The following EFHB variants were observed in gnomAD, a reference collection of about 807,000 sequenced individuals.
The protein encoded by EFHB is EF-hand domain family member B, also known as EF-hand domain-containing family member B.
EFHB carries 91 observed loss-of-function variants against 87.2 expected under a neutral mutation model. The ratio of observed to expected loss-of-function variants is 1.04; its 90% CI spans 0.88 to 1.24. The LOEUF is 1.24. Among genes scored for constraint, EFHB ranks in the 50% most tolerant of loss-of-function variants. EFHB has a pLI of 0.00. For missense variants in EFHB, 1,084 were observed against 998.8 expected (o/e 1.09, Z -1.15); for synonymous variants, 325 against 333.6 (o/e 0.97, Z 0.28).
chr3:19,904,004 T>C (rs1400653632), intron 6 of EFHB, among the ~76,000 whole-genome samples: 1 of 152,182 alleles, frequency 6.6e-6, no homozygotes, highest in Non-Finnish European at 1.5e-5. Context: ...ATATATAAAG[T>C]GCTCAGAATT....
chr3:19,904,750 T>C (rs1694781941), intron 6 of EFHB, among the ~76,000 whole-genome samples: 1 of 152,222 alleles, frequency 6.6e-6, no homozygotes. Flanking sequence ...AAGACCCTTT[T>C]TCCACACAAA....
intron 1 of EFHB, among the ~76,000 whole-genome samples, chr3:19,924,622 C>G (rs1387787469): frequency 6.6e-6 from 1 of 152,164 alleles, no homozygotes; most frequent in Admixed American, 6.5e-5. Context: ...CCAGTTTGGT[C>G]TAGGGGAAGA....
At chr3:19,925,556 T>TA (rs904299357) in intron 1 of EFHB, among the ~76,000 whole-genome samples, 4 of 152,184 alleles carry the variant, frequency 2.6e-5, no homozygotes, top group African/African-American at 9.6e-5. Flanking sequence ...GCTTTCTGTC[T>TA]GTAACCCAAC....
chr3:19,905,489 A>AT lies in EFHB; in HGVS notation c.1418+130dup, dbSNP rs1327755412. On this transcript the variant is annotated intron_variant, in intron 6 of 12. Coordinates refer to ENST00000295824, the MANE Select transcript of EFHB (RefSeq NM_144715.4). The stretch of plus-strand genomic sequence containing the variant: ...TGAAATACATTACACTGTTTTTTCT[A>AT]TTTTTTTCTAGTCATCTTGTTTGAA... 6.6e-6 allele frequency: 7 copies of AT among 1,061,516 alleles called. No homozygotes were observed. The African/African-American group carries it at 1.1e-4, about 17-fold the overall frequency. The allele number at this position is 1,061,516 out of a possible 1,614,324, so 65.8% of individuals were successfully genotyped here.
At chr3:19,904,732 T>C (rs1464685385) in intron 6 of EFHB, among the ~76,000 whole-genome samples, 1 of 152,198 alleles carries the variant, frequency 6.6e-6, no homozygotes. Context: ...TCCTTAATTA[T>C]ATCTACAAAG....
intron 1 of EFHB, among the ~76,000 whole-genome samples, chr3:19,925,835 C>T (rs1422608087): frequency 1.3e-5 from 2 of 152,198 alleles, no homozygotes; most frequent in Non-Finnish European, 2.9e-5. Flanking sequence ...TGTGGGTTAG[C>T]TTAATGGTTA....
chr3:19,879,724 C>T lies in EFHB; in HGVS notation c.2409G>A (p.Lys803=), dbSNP rs2071625348. ...CAACACAAACTTCTCCTCTGTGATG[C>T]TTTTTTGATGCAAGATTCCATACAT... The part of the protein sequence containing the change: ...FENVWNLASK[K]HHRGEVCVEN... The change falls in exon 13 of 13, where the codon AAG becomes AAA. Residue 803 remains lysine (K), a synonymous_variant. Transcript: ENST00000295824. 6.2e-7 allele frequency: 1 copy of T among 1,610,518 alleles called. No homozygotes were observed. Among genetic ancestry groups the T allele is most frequent in the Non-Finnish European group, 8.5e-7 (1 of 1,179,010 alleles).
At chr3:19,893,937 T>C (rs1205017873) in intron 9 of EFHB, among the ~76,000 whole-genome samples, 2 of 152,224 alleles carry the variant, frequency 1.3e-5, no homozygotes, top group Non-Finnish European at 2.9e-5. Flanking sequence ...CTATTCTAGT[T>C]TTAAGTTAAC....
chr3:19,943,602 A>G (rs1696209067), intron 1 of EFHB, among the ~76,000 whole-genome samples: 1 of 152,210 alleles, frequency 6.6e-6, no homozygotes, highest in South Asian at 2.1e-4. Flanking sequence ...AAATACAACT[A>G]TTTACATATC....
chr3:19,902,716 T>C (rs1216478556), intron 6 of EFHB, among the ~76,000 whole-genome samples: 1 of 152,166 alleles, frequency 6.6e-6, no homozygotes, highest in African/African-American at 2.4e-5. Context: ...CAAATTTACA[T>C]TAAATCGTGC....
At chr3:19,921,599 T>C (rs1452992377) in intron 1 of EFHB, among the ~76,000 whole-genome samples, 1 of 151,810 alleles carries the variant, frequency 6.6e-6, no homozygotes, top group Non-Finnish European at 1.5e-5. Flanking sequence ...GGGGCCAAGA[T>C]GGGAAATAAG....
intron 1 of EFHB, among the ~76,000 whole-genome samples, chr3:19,926,340 T>C (rs1024142793): frequency 3.3e-5 from 5 of 152,004 alleles, no homozygotes; most frequent in African/African-American, 1.2e-4. Flanking sequence ...TTTTGGGGTT[T>C]TTTTTGTTTT....
At chr3:19,888,362 C>A in intron 10 of EFHB, 82 bp downstream of exon 10, 1 of 771,178 alleles carries the variant, frequency 1.3e-6, no homozygotes, top group Non-Finnish European at 1.7e-6. Flanking sequence ...CATAGTGAGA[C>A]CTCGTCTGTA....
At chr3:19,921,307 T>C (rs1025544541) in intron 1 of EFHB, among the ~76,000 whole-genome samples, 2 of 151,958 alleles carry the variant, frequency 1.3e-5, no homozygotes, top group Non-Finnish European at 2.9e-5. Flanking sequence ...AGAGAGTCTT[T>C]AGGGTTTAAG....
chr3:19,906,014 A>T (rs56004950), intron 5 of EFHB, among the ~76,000 whole-genome samples: 28,162 of 152,132 alleles, frequency 0.19, 3,381 homozygotes, highest in Non-Finnish European at 0.27. Flanking sequence ...GACTCCATCA[A>T]AAAACTGTTA....
rs201515149 is a variant in EFHB at position 19,879,588 on chromosome 3, G to A, written c.*43C>T. Reference sequence around the variant, plus strand: ...GGATTCAACATTTTAGATAAACACAGAGTTAATAATTCTTTTGCTTGAATG... The same window carrying A: ...GGATTCAACATTTTAGATAAACACAAAGTTAATAATTCTTTTGCTTGAATG... On this transcript the variant is annotated 3_prime_UTR_variant, in exon 13 of 13. Coordinates refer to ENST00000295824, the MANE Select transcript of EFHB (RefSeq NM_144715.4). 1.3e-6 allele frequency: 2 copies of A among 1,506,072 alleles called. No homozygotes were observed. Among genetic ancestry groups the A allele is most frequent in the African/African-American group, 1.4e-5 (1 of 71,622 alleles). The allele number at this position is 1,506,072 out of a possible 1,614,324, so 93.3% of individuals were successfully genotyped here. A position where few individuals can be genotyped will look rare whatever the true frequency, so the allele number is the denominator to read the frequency against.
chr3:19,883,773 G>C (rs1000408981), intron 11 of EFHB, among the ~76,000 whole-genome samples: 7 of 152,212 alleles, frequency 4.6e-5, no homozygotes, highest in African/African-American at 1.2e-4. Flanking sequence ...ACCACGTGAA[G>C]ATGAAGGCAG....
chr3:19,890,197 G>A (rs1360863786), intron 9 of EFHB, among the ~76,000 whole-genome samples: 1 of 152,142 alleles, frequency 6.6e-6, no homozygotes, highest in Non-Finnish European at 1.5e-5. Context: ...CCACCACCAT[G>A]CCACTCAAAA....
chr3:19,908,511 C>T (rs1422220620), intron 5 of EFHB, among the ~76,000 whole-genome samples: 3 of 143,110 alleles, frequency 2.1e-5, no homozygotes, highest in Admixed American at 7.3e-5. Flanking sequence ...CCAGCCTGGA[C>T]GAAAGAGCAA....
Sources: allele counts gnomAD v4.1 joint callset (sites outside exome capture counted in the v4.1 genomes callset), GRCh38; gene constraint gnomAD v4.1.1; transcripts MANE v1.5; gene names NCBI Gene and HGNC (gene_info 2026-07-23, HGNC 2026-07-21).